FAM131B: variants seen among roughly 807,000 people sequenced by gnomAD.
The protein encoded by FAM131B is family with sequence similarity 131 member B.
In FAM131B, 19 loss-of-function variants were observed where a neutral mutation model predicts 42.0. The observed-to-expected ratio is 0.45, with a 90% CI of 0.32 to 0.66. FAM131B has a LOEUF of 0.66. Among genes scored for constraint, FAM131B ranks in the 30% least tolerant of loss-of-function variants. The pLI is 0.05. For synonymous variants in FAM131B, 183 were observed against 177.6 expected (o/e 1.03, Z -0.24); for missense variants, 370 against 468.4 (o/e 0.79, Z 1.94).
At position 143,362,619 on chromosome 7, in the gene FAM131B, AGAGCC is replaced by A. The variant is rs1804056879; in HGVS notation, c.-21_-17del. The A allele has an allele frequency of 8.3e-7, 1 of 1,207,780 alleles. No homozygotes were observed. The highest frequency in any genetic ancestry group is 1.6e-5 in the African/African-American group (1 of 63,008). 74.8% of individuals were successfully genotyped at this position (1,207,780 alleles called of 1,614,324 possible). On this transcript the variant is annotated 5_prime_UTR_variant, in exon 1 of 7. Coordinates refer to ENST00000443739, the MANE Select transcript of FAM131B (RefSeq NM_001031690.3). The surrounding 1 kb of genome is among the most constrained non-coding windows in gnomAD (Gnocchi z 7.7). Reference sequence around the variant, plus strand: ...TGCAGCCCATGGCTCCGGGGGCCGCAGAGCCGGGCCCTCACCGACTCGGGGCGCGC... The same window carrying A: ...TGCAGCCCATGGCTCCGGGGGCCGCAGGGCCCTCACCGACTCGGGGCGCGC...
chr7:143,356,167 A>G lies in FAM131B; in HGVS notation c.*383T>C, dbSNP rs10269527. ...GGAGGCATTCAGACAGCAGAGTTAC[A>G]GCTCCTGGAAGACGAAATCGGGGCG... On this transcript the variant is annotated 3_prime_UTR_variant, in exon 7 of 7. Transcript: ENST00000443739. The surrounding 1 kb of genome is among the most constrained non-coding windows in gnomAD (Gnocchi z 4.4). 217,281 of 217,294 alleles carry G rather than the reference A, an allele frequency of 1. 108,634 individuals are homozygous for G. Among genetic ancestry groups the G allele is most frequent in the Middle Eastern group, 1 (562 of 562 alleles). 13.5% of individuals were successfully genotyped at this position (217,294 alleles called of 1,614,324 possible).
chr7:143,359,309 T>C lies in FAM131B; in HGVS notation c.268+17A>G. The C allele has an allele frequency of 6.3e-7, 1 of 1,585,420 alleles. No individual in the cohort carries two copies. The highest frequency in any genetic ancestry group is 8.7e-7 in the Non-Finnish European group (1 of 1,155,004). On this transcript the variant is annotated intron_variant, in intron 4 of 6. Coordinates refer to ENST00000443739, the MANE Select transcript of FAM131B (RefSeq NM_001031690.3). The surrounding 1 kb of genome is among the most constrained non-coding windows in gnomAD (Gnocchi z 5.4). ...GCATTATTTTGTCTGAAGGCATTCTTACATCAGGAGTCTCACCTGAGAATG... is the reference window on the plus strand; with the variant it reads ...GCATTATTTTGTCTGAAGGCATTCTCACATCAGGAGTCTCACCTGAGAATG...
chr7:143,368,776 G>C, the FAM131B span, among the ~76,000 whole-genome samples: 1 of 152,168 alleles, frequency 6.6e-6, no homozygotes, highest in Admixed American at 6.5e-5. Flanking sequence ...TCCTTTGCTA[G>C]CTTTTGGGAT....
At chr7:143,381,728 C>A in the FAM131B span, 51 of 1,599,546 alleles carry the variant, frequency 3.2e-5, no homozygotes, top group Non-Finnish European at 4.1e-5. Context: ...ACCCGGGGCC[C>A]AGCGCGCACA....
chr7:143,371,967 T>G, the FAM131B span, among the ~76,000 whole-genome samples: 3 of 152,156 alleles, frequency 2.0e-5, no homozygotes, highest in African/African-American at 7.2e-5. Context: ...AGGAAAGGTT[T>G]TTTTTCAATT....
In FAM131B at chr7:143,356,186, C is replaced by A. The variant is rs879585871; in HGVS notation, c.*364G>T. 3 of 237,646 alleles carry A rather than the reference C, an allele frequency of 1.3e-5. No individual in the cohort carries two copies. The highest frequency in any genetic ancestry group is 4.5e-5 in the African/African-American group (2 of 44,298). The allele number at this position is 237,646 out of a possible 1,614,324, so 14.7% of individuals were successfully genotyped here. A position where few individuals can be genotyped will look rare whatever the true frequency, so the allele number is the denominator to read the frequency against. ...AGTTACAGCTCCTGGAAGACGAAAT[C>A]GGGGCGTGAAGAACTGAGATCCAGT... On this transcript the variant is annotated 3_prime_UTR_variant, in exon 7 of 7. Transcript: ENST00000443739. This position sits in a 1 kb window ranked among gnomAD's most constrained non-coding sequence, Gnocchi z 4.4.
At chr7:143,365,861 G>T (rs558958061), upstream of FAM131B, among the ~76,000 whole-genome samples, 7 of 152,172 alleles carry the variant, frequency 4.6e-5, no homozygotes, top group South Asian at 1.5e-3. Flanking sequence ...CACCCGCCTT[G>T]GTCTCCCAAA....
Position 143,358,221 on chromosome 7 carries a change from T to A in FAM131B, c.466+606A>T, listed in dbSNP as rs1052793327. ...TCACTGATATTTCTCCTCCCACCCA[T>A]ACCACCAACTCAATACTTCCTTTCT... On this transcript the variant is annotated intron_variant, in intron 5 of 6. Coordinates refer to ENST00000443739, the MANE Select transcript of FAM131B (RefSeq NM_001031690.3). This position sits in a 1 kb window ranked among gnomAD's most constrained non-coding sequence, Gnocchi z 4.7. Among the ~76,000 whole-genome samples the A allele has an allele frequency of 6.6e-6, 1 of 152,142 alleles. No homozygotes were observed. The highest frequency in any genetic ancestry group is 1.5e-5 in the Non-Finnish European group (1 of 68,022).
chr7:143,362,330 C>T lies in FAM131B; in HGVS notation c.28+246G>A, dbSNP rs1386431973. ...GATGGAGAGGATGGAGAGGACCGCGCCTGCGGGAGGGCGACGGGGAGAAGG... is the reference window on the plus strand; with the variant it reads ...GATGGAGAGGATGGAGAGGACCGCGTCTGCGGGAGGGCGACGGGGAGAAGG... On this transcript the variant is annotated intron_variant, in intron 1 of 6. Transcript: ENST00000443739. This position sits in a 1 kb window ranked among gnomAD's most constrained non-coding sequence, Gnocchi z 7.7. 6.6e-6 allele frequency among the ~76,000 whole-genome samples: 1 copy of T among 152,008 alleles called. No individual in the cohort carries two copies. Among genetic ancestry groups the T allele is most frequent in the Admixed American group, 6.5e-5 (1 of 15,276 alleles).
chr7:143,375,673 T>A, the FAM131B span, among the ~76,000 whole-genome samples: 1 of 152,184 alleles, frequency 6.6e-6, no homozygotes, highest in African/African-American at 2.4e-5. Flanking sequence ...AGACAACTAG[T>A]ACTTGTCACC....
the FAM131B span, among the ~76,000 whole-genome samples, chr7:143,377,401 A>G: frequency 6.6e-6 from 1 of 152,204 alleles, no homozygotes; most frequent in Non-Finnish European, 1.5e-5. Context: ...GTGTCATGAG[A>G]CAGAAAGAGA....
chr7:143,356,437 G>A lies in FAM131B; in HGVS notation c.*113C>T. The A allele has an allele frequency of 1.3e-6, 1 of 750,066 alleles. No individual in the cohort carries two copies. The highest frequency in any genetic ancestry group is 2.2e-6 in the Non-Finnish European group (1 of 450,350). The allele number at this position is 750,066 out of a possible 1,614,324, so 46.5% of individuals were successfully genotyped here. ...TCCAGGAGAGGACTGGAAGCTCCTG[G>A]GTTCCCCAATGTTGTCTGCCCAGTT... On this transcript the variant is annotated 3_prime_UTR_variant, in exon 7 of 7. Coordinates refer to ENST00000443739, the MANE Select transcript of FAM131B (RefSeq NM_001031690.3). This position sits in a 1 kb window ranked among gnomAD's most constrained non-coding sequence, Gnocchi z 4.4.
upstream of FAM131B, chr7:143,362,830 CG>C: frequency 6.6e-6 from 1 of 151,452 alleles, no homozygotes; most frequent in Non-Finnish European, 1.4e-5. This position sits in a 1 kb window ranked among gnomAD's most constrained non-coding sequence, Gnocchi z 7.7. Context: ...TCGCCGCGGC[CG>C]GGGAGGGGGC....
the FAM131B span, among the ~76,000 whole-genome samples, chr7:143,377,639 GATA>G: frequency 6.6e-6 from 1 of 152,158 alleles, no homozygotes; most frequent in African/African-American, 2.4e-5. Flanking sequence ...TAAAAAATGG[GATA>G]ATGATGTATA....
At chr7:143,375,391 G>T in the FAM131B span, among the ~76,000 whole-genome samples, 1 of 152,174 alleles carries the variant, frequency 6.6e-6, no homozygotes, top group Non-Finnish European at 1.5e-5. Flanking sequence ...GGCTTGCTCA[G>T]GCATGTTGAG....
At position 143,362,115 on chromosome 7, in the gene FAM131B, C is replaced by G; in HGVS notation, c.28+461G>C. On this transcript the variant is annotated intron_variant, in intron 1 of 6. Transcript: ENST00000443739. This position sits in a 1 kb window ranked among gnomAD's most constrained non-coding sequence, Gnocchi z 7.7. ...CACCCGAGCCAGATGGAGGCGGCGG[C>G]GGGGGGTGGCGTGGGGGGCGTGCGA... The G allele has an allele frequency of 9.2e-6, 7 of 757,856 alleles. No homozygotes were observed. Among genetic ancestry groups the G allele is most frequent in the Non-Finnish European group, 9.7e-6 (6 of 621,446 alleles). The allele number at this position is 757,856 out of a possible 1,614,324, so 46.9% of individuals were successfully genotyped here.
At chr7:143,368,886 C>T in the FAM131B span, among the ~76,000 whole-genome samples, 1 of 152,168 alleles carries the variant, frequency 6.6e-6, no homozygotes, top group Non-Finnish European at 1.5e-5. Flanking sequence ...TTATCCTTTC[C>T]TGCAACTGAT....
Position 143,362,644 on chromosome 7 carries a change from G to A in FAM131B, c.-41C>T. The A allele has an allele frequency of 1.7e-6, 2 of 1,184,332 alleles. No homozygotes were observed. The highest frequency in any genetic ancestry group is 2.1e-6 in the Non-Finnish European group (2 of 953,502). 73.4% of individuals were successfully genotyped at this position (1,184,332 alleles called of 1,614,324 possible). A position where few individuals can be genotyped will look rare whatever the true frequency, so the allele number is the denominator to read the frequency against. ...AGAGCCGGGCCCTCACCGACTCGGG[G>A]CGCGCGCCGGGGGGAGCACCGGGAG... On this transcript the variant is annotated 5_prime_UTR_variant, in exon 1 of 7. Coordinates refer to ENST00000443739, the MANE Select transcript of FAM131B (RefSeq NM_001031690.3). The surrounding 1 kb of genome is among the most constrained non-coding windows in gnomAD (Gnocchi z 7.7).
the FAM131B span, among the ~76,000 whole-genome samples, chr7:143,378,617 A>AGGCT: frequency 7.5e-6 from 1 of 133,688 alleles, no homozygotes; most frequent in Non-Finnish European, 1.5e-5. Flanking sequence ...TCTGTTGCCC[A>AGGCT]GGCTGGAGTG....
Sources: allele counts gnomAD v4.1 joint callset (sites outside exome capture counted in the v4.1 genomes callset), GRCh38; gene constraint gnomAD v4.1.1; non-coding constraint Gnocchi (gnomAD v3.1); transcripts MANE v1.5; gene names NCBI Gene and HGNC (gene_info 2026-07-23, HGNC 2026-07-21).